The following NRDE2 variants were observed in gnomAD, a reference collection of about 807,000 sequenced individuals.
The protein encoded by NRDE2 is NRDE-2, necessary for RNA interference, domain containing, also known as nuclear exosome regulator NRDE2.
A neutral mutation model predicts 124.2 loss-of-function variants in NRDE2; 76 were observed. The observed-to-expected ratio is 0.61, with a 90% CI of 0.51 to 0.74. The LOEUF is 0.74. NRDE2 is among the 30% of genes least tolerant of loss of function. The probability of loss-of-function intolerance (pLI) is 0.00; values close to 1 mark genes in which losing one functional copy is unlikely to be tolerated. For synonymous variants in NRDE2, 489 were observed against 528.1 expected, an observed-to-expected ratio of 0.93 and a Z score of 1.01; for missense variants, 1,314 against 1,417.3, an observed-to-expected ratio of 0.93 and a Z score of 1.17.
chr14:90,277,962 C>A lies in NRDE2; in HGVS notation c.*374G>T, dbSNP rs1336917596. 3 of 179,598 alleles carry A rather than the reference C, an allele frequency of 1.7e-5. No homozygotes were observed. The highest frequency in any genetic ancestry group is 3.6e-5 in the Non-Finnish European group (3 of 83,538). 11.1% of individuals were successfully genotyped at this position (179,598 alleles called of 1,614,324 possible). A position where few individuals can be genotyped will look rare whatever the true frequency, so the allele number is the denominator to read the frequency against. On this transcript the variant is annotated 3_prime_UTR_variant, in exon 14 of 14. Coordinates refer to ENST00000354366, the MANE Select transcript of NRDE2 (RefSeq NM_017970.4). ...GACCTTTATCTCAGAGAGGGCCTGG[C>A]AGGACCACCACGACACCAGCGGAGG...
rs929813935 is a variant in NRDE2 at position 90,278,153 on chromosome 14, G to A, written c.*183C>T. 2.8e-5 allele frequency: 17 copies of A among 611,318 alleles called. No homozygotes were observed. The highest frequency in any genetic ancestry group is 4.0e-5 in the Non-Finnish European group (14 of 351,920). 37.9% of individuals were successfully genotyped at this position (611,318 alleles called of 1,614,324 possible). On this transcript the variant is annotated 3_prime_UTR_variant, in exon 14 of 14. Transcript: ENST00000354366. ...CATATATAATATGTAAATAACTTTT[G>A]TGTCATTTACACACCCAAAAAGTGT...
chr14:90,297,260 A>T (rs1555360381), intron 8 of NRDE2, among the ~76,000 whole-genome samples: 3 of 151,992 alleles, frequency 2.0e-5, no homozygotes, highest in Non-Finnish European at 2.9e-5. Context: ...CTAGTTAATA[A>T]TTTTTTTTCT....
At position 90,316,663 on chromosome 14, in the gene NRDE2, T is replaced by C. The variant is rs367803290; in HGVS notation, c.322A>G (p.Ser108Gly). Reference sequence around the variant, plus strand: ...GAATCGGTGTCTGTCTCAGACCTGCTGCTACTCGACGGCCCATGCTTCCTC... The same window carrying C: ...GAATCGGTGTCTGTCTCAGACCTGCCGCTACTCGACGGCCCATGCTTCCTC... ...TKRKHGPSSS[S>G]RSETDTDSEK... Residue 108 changes from serine (S) to glycine (G), a missense_variant, in exon 3 of 14, where the codon AGC becomes GGC. Transcript: ENST00000354366. 11 of 1,614,200 alleles carry C rather than the reference T, an allele frequency of 6.8e-6. No homozygotes were observed. In the East Asian group the frequency reaches 1.6e-4, roughly 23 times the overall value.
At chr14:90,324,793 G>A (rs751402186) in intron 1 of NRDE2, among the ~76,000 whole-genome samples, 5 of 151,936 alleles carry the variant, frequency 3.3e-5, no homozygotes, top group African/African-American at 9.7e-5. Flanking sequence ...CCCTCTGTGC[G>A]TACATTTGAA....
chr14:90,269,770 T>G lies in NRDE2; in HGVS notation c.*8566A>C. The G allele has an allele frequency of 2.2e-6, 1 of 449,996 alleles. No homozygotes were observed. Among genetic ancestry groups the G allele is most frequent in the Non-Finnish European group, 3.8e-6 (1 of 259,886 alleles). 27.9% of individuals were successfully genotyped at this position (449,996 alleles called of 1,614,324 possible). A position where few individuals can be genotyped will look rare whatever the true frequency, so the allele number is the denominator to read the frequency against. On this transcript the variant is annotated 3_prime_UTR_variant, in exon 14 of 14. Coordinates refer to ENST00000354366, the MANE Select transcript of NRDE2 (RefSeq NM_017970.4). ...TGAATTCCAGTCTTATGTCTTGTCT[T>G]TTCTTTTCCATAACATTCCCTTTTT... is the stretch of plus-strand genomic sequence containing the variant.
chr14:90,304,676 G>A (rs1307913931), intron 4 of NRDE2: 3 of 312,196 alleles, frequency 9.6e-6, no homozygotes, highest in South Asian at 6.4e-5. Flanking sequence ...GCCTTGTAAA[G>A]AACTGTCACA....
intron 1 of NRDE2, among the ~76,000 whole-genome samples, chr14:90,328,326 A>G (rs1885532268): frequency 6.6e-6 from 1 of 152,012 alleles, no homozygotes. Flanking sequence ...AAAAAAAAGA[A>G]AAAAGTATTT....
At chr14:90,298,072 A>G (rs1045845528) in intron 8 of NRDE2, among the ~76,000 whole-genome samples, 188 bp downstream of exon 8, 2 of 152,212 alleles carry the variant, frequency 1.3e-5, no homozygotes, top group Non-Finnish European at 2.9e-5. Context: ...GTACTGAAGG[A>G]ATAAGTCCAC....
chr14:90,310,690 TTG>T (rs1884802092), intron 4 of NRDE2, among the ~76,000 whole-genome samples: 1 of 152,130 alleles, frequency 6.6e-6, no homozygotes, highest in African/African-American at 2.4e-5. Flanking sequence ...CAGCTAATTT[TTG>T]TATTTTCAGT....
At chr14:90,291,151 T>A (rs532129367) in intron 9 of NRDE2, among the ~76,000 whole-genome samples, 2 of 152,236 alleles carry the variant, frequency 1.3e-5, no homozygotes, top group Non-Finnish European at 1.5e-5. Flanking sequence ...ATGGAGCACA[T>A]TAAAAGCAAT....
intron 6 of NRDE2, among the ~76,000 whole-genome samples, chr14:90,302,240 G>A (rs1323962221): frequency 6.6e-6 from 1 of 152,142 alleles, no homozygotes; most frequent in African/African-American, 2.4e-5. Flanking sequence ...TGCATAACAT[G>A]CAGCCTCCAA....
chr14:90,308,986 T>TA (rs771472479), intron 4 of NRDE2, among the ~76,000 whole-genome samples: 1 of 152,098 alleles, frequency 6.6e-6, no homozygotes, highest in Non-Finnish European at 1.5e-5. Context: ...CTCATGCCTG[T>TA]AATCCCAGCA....
chr14:90,288,978 G>A lies in NRDE2; in HGVS notation c.2397C>T (p.Ala799=). 6.2e-7 allele frequency: 1 copy of A among 1,613,102 alleles called. No homozygotes were observed. Among genetic ancestry groups the A allele is most frequent in the Non-Finnish European group, 8.5e-7 (1 of 1,179,152 alleles). ...CAAGTGCTGTGTCAAAAACTTTTCTGGCATCCTCCGTGTTGCCAAGCAACC... is the reference window on the plus strand; with the variant it reads ...CAAGTGCTGTGTCAAAAACTTTTCTAGCATCCTCCGTGTTGCCAAGCAACC... ...LEWLLGNTED[A]RKVFDTALGM... Residue 799 remains alanine (A), a synonymous_variant, in exon 11 of 14, where the codon GCC becomes GCT. Coordinates refer to ENST00000354366, the MANE Select transcript of NRDE2 (RefSeq NM_017970.4).
chr14:90,287,178 A>G (rs748340628), intron 11 of NRDE2, among the ~76,000 whole-genome samples: 3 of 152,236 alleles, frequency 2.0e-5, no homozygotes, highest in East Asian at 1.9e-4. Flanking sequence ...CAAAATCCCA[A>G]TGGAAGAAAT....
At chr14:90,322,540 C>CA (rs149225898) in intron 1 of NRDE2, among the ~76,000 whole-genome samples, 4,149 of 150,996 alleles carry the variant, frequency 0.027, 182 homozygotes, top group African/African-American at 0.096. Flanking sequence ...TAGAAATCTT[C>CA]AAAAAAAAAT....
intron 3 of NRDE2, among the ~76,000 whole-genome samples, chr14:90,315,145 C>T (rs1007195772): frequency 2.2e-5 from 3 of 138,750 alleles, no homozygotes; most frequent in Non-Finnish European, 3.0e-5. Context: ...CCACTGTACT[C>T]CAGCCTGGCC....
intron 3 of NRDE2, among the ~76,000 whole-genome samples, chr14:90,315,007 T>C (rs1157267748): frequency 6.6e-6 from 1 of 151,242 alleles, no homozygotes; most frequent in Non-Finnish European, 1.5e-5. Context: ...AAAAACCCCG[T>C]CTCTACTAAA....
At position 90,290,612 on chromosome 14, in the gene NRDE2, A is replaced by C; in HGVS notation, c.1843-5T>G. ...CCCAATATCATCAAACAACACCTGC[A>C]ACAAAGACAAAATAAAGCGACCCAT... On this transcript the variant is annotated splice_region_variant and splice_polypyrimidine_tract_variant and intron_variant, in intron 9 of 13. Transcript: ENST00000354366. 1 of 1,588,286 alleles carries C rather than the reference A, an allele frequency of 6.3e-7. No homozygotes were observed. Among genetic ancestry groups the C allele is most frequent in the Non-Finnish European group, 8.5e-7 (1 of 1,169,668 alleles).
Position 90,271,813 on chromosome 14 carries a change from A to G in NRDE2, c.*6523T>C, listed in dbSNP as rs1027099578. ...TTTCAGAAAATAGGATGCTTAAAAC[A>G]TTTTTTTTAAAAATCAAATCTTTCC... On this transcript the variant is annotated 3_prime_UTR_variant, in exon 14 of 14. Coordinates refer to ENST00000354366, the MANE Select transcript of NRDE2 (RefSeq NM_017970.4). 6.5e-6 allele frequency: 1 copy of G among 153,088 alleles called. No homozygotes were observed. The highest frequency in any genetic ancestry group is 2.4e-5 in the African/African-American group (1 of 41,216). The allele number at this position is 153,088 out of a possible 1,614,324, so 9.5% of individuals were successfully genotyped here.
Sources: gnomAD v4.1 joint callset for allele counts (sites outside exome capture counted in the v4.1 genomes callset) on GRCh38, gnomAD v4.1.1 for gene constraint, MANE v1.5 for transcripts, NCBI Gene and HGNC (gene_info 2026-07-23, HGNC 2026-07-21) for gene names.